The following NEBL variants were observed in gnomAD, a reference collection of about 807,000 sequenced individuals.
The protein encoded by NEBL is LIM and SH3 protein 2.
A neutral mutation model predicts 140.2 loss-of-function variants in NEBL; 122 were observed. The ratio of observed to expected loss-of-function variants is 0.87; its 90% CI spans 0.75 to 1.01. The LOEUF (loss-of-function observed/expected upper bound fraction) is 1.01, where lower values mean the gene tolerates loss of function less well. Ranked by LOEUF, NEBL falls within the 50% of genes least tolerant of loss-of-function variation. The probability of loss-of-function intolerance (pLI) is 0.00; values close to 1 mark genes in which losing one functional copy is unlikely to be tolerated. For missense variants in NEBL, 1,365 were observed against 1,231.3 expected (o/e 1.11, Z -1.62); for synonymous variants, 436 against 398.9 (o/e 1.09, Z -1.11).
At chr10:21,120,422 A>ATATATATATATATATATATT (rs1191813457) in intron 2 of NEBL, among the ~76,000 whole-genome samples, 89 of 87,036 alleles carry the variant, frequency 1.0e-3, no homozygotes, top group East Asian at 6.1e-3. Flanking sequence ...ATATATATAT[A>ATATATATATATATATATATT]TAAATTTGAT....
At chr10:20,793,263 C>T (rs1836175153) in intron 26 of NEBL, 1 of 767,758 alleles carries the variant, frequency 1.3e-6, no homozygotes, top group South Asian at 5.9e-5. Flanking sequence ...AAAGACATGC[C>T]TAATCATCGT....
intron 3 of NEBL, among the ~76,000 whole-genome samples, chr10:21,182,780 T>A (rs1376837919): frequency 6.6e-6 from 1 of 152,228 alleles, no homozygotes; most frequent in African/African-American, 2.4e-5. Context: ...GTGATGATAT[T>A]TTAGCAATAT....
chr10:21,025,994 T>C (rs181284412), intron 2 of NEBL, among the ~76,000 whole-genome samples: 3 of 152,322 alleles, frequency 2.0e-5, no homozygotes, highest in African/African-American at 7.2e-5. Flanking sequence ...TAATTTAACC[T>C]CTGTGTCTCA....
chr10:21,126,067 A>T (rs201996343), intron 2 of NEBL: 4 of 1,614,016 alleles, frequency 2.5e-6, no homozygotes, highest in Non-Finnish European at 2.5e-6. Flanking sequence ...GGTCTCCCCA[A>T]CCAGCTTCCT....
intron 2 of NEBL, among the ~76,000 whole-genome samples, chr10:21,147,956 T>C (rs1032822033): frequency 6.6e-6 from 1 of 152,236 alleles, no homozygotes; most frequent in African/African-American, 2.4e-5. Context: ...GCAGTGATGA[T>C]ACAATAATGT....
Position 21,093,584 on chromosome 10 carries a change from T to C in NEBL, c.165-73383A>G, listed in dbSNP as rs74755162. Among the ~76,000 whole-genome samples the C allele has an allele frequency of 1.8e-3, 271 of 152,278 alleles. 12 individuals are homozygous for C. The East Asian group carries it at 0.047, about 26-fold the overall frequency. ...ACAAGCTGAAACAGGAGAAAGAATA[T>C]GCAACCAGATGGGGGTCACAGCATT... On this transcript the variant is annotated intron_variant, in intron 2 of 6. Coordinates refer to the NEBL transcript ENST00000417816.
At chr10:21,166,165 A>T (rs1840752884) in intron 2 of NEBL, among the ~76,000 whole-genome samples, 1 of 139,036 alleles carries the variant, frequency 7.2e-6, no homozygotes, top group Non-Finnish European at 1.5e-5. Context: ...GCTTGCAGTG[A>T]GCCGAGATCA....
At chr10:20,943,682 C>T (rs1301876715) in intron 4 of NEBL, among the ~76,000 whole-genome samples, 2 of 152,202 alleles carry the variant, frequency 1.3e-5, no homozygotes, top group Non-Finnish European at 2.9e-5. Flanking sequence ...ACATGTCCTG[C>T]TACAATGCAA....
chr10:21,003,090 G>C (rs990639157), intron 3 of NEBL, among the ~76,000 whole-genome samples: 2 of 144,752 alleles, frequency 1.4e-5, no homozygotes, highest in African/African-American at 2.6e-5. Flanking sequence ...TGTTTTCACA[G>C]CCACCTTGAT....
chr10:21,230,221 G>C (rs1342121792), intron 3 of NEBL, among the ~76,000 whole-genome samples: 1 of 152,164 alleles, frequency 6.6e-6, no homozygotes, highest in African/African-American at 2.4e-5. Flanking sequence ...GGGCTTGGGA[G>C]TGAGTCAAGC....
intron 4 of NEBL, among the ~76,000 whole-genome samples, chr10:20,910,750 G>A (rs767711296): frequency 6.6e-6 from 1 of 151,798 alleles, no homozygotes; most frequent in Non-Finnish European, 1.5e-5. Flanking sequence ...AGGGTACAAG[G>A]AATTCAAAGA....
At chr10:21,051,698 A>T (rs569645692) in intron 2 of NEBL, among the ~76,000 whole-genome samples, 1 of 147,668 alleles carries the variant, frequency 6.8e-6, no homozygotes, top group Non-Finnish European at 1.5e-5. Flanking sequence ...TAAATTCCCC[A>T]GTGAAAAGAC....
intron 3 of NEBL, among the ~76,000 whole-genome samples, chr10:21,210,721 G>A (rs1213758617): frequency 6.6e-6 from 1 of 152,146 alleles, no homozygotes; most frequent in African/African-American, 2.4e-5. Context: ...CTAAAGTGCT[G>A]CATTTTTAAG....
In NEBL at chr10:21,173,937, C is replaced by T; in HGVS notation, c.-104G>A. ...CACCGCCTCCTGGCAGGCGGGAGGG[C>T]TGCGGGCGGCGGGCGCCGGGTAGGG... is the stretch of plus-strand genomic sequence containing the variant. On this transcript the variant is annotated 5_prime_UTR_variant, in exon 1 of 7. Transcript: ENST00000417816. This position sits in a 1 kb window ranked among gnomAD's most constrained non-coding sequence, Gnocchi z 5.7. The T allele has an allele frequency of 7.1e-7, 1 of 1,401,442 alleles. No individual in the cohort carries two copies. The highest frequency in any genetic ancestry group is 9.2e-7 in the Non-Finnish European group (1 of 1,089,636). The allele number at this position is 1,401,442 out of a possible 1,614,324, so 86.8% of individuals were successfully genotyped here.
At chr10:20,961,172 T>C (rs945718008) in intron 4 of NEBL, among the ~76,000 whole-genome samples, 1 of 152,162 alleles carries the variant, frequency 6.6e-6, no homozygotes, top group Admixed American at 6.6e-5. Flanking sequence ...TTGAGGAAAC[T>C]ATATTAATAA....
In NEBL at chr10:20,930,645, C is replaced by T. The variant is rs149940445; in HGVS notation, c.357+31027G>A. On this transcript the variant is annotated intron_variant, in intron 4 of 6. Coordinates refer to the NEBL transcript ENST00000417816. ...TCTCCACTGATGACACACCATCCTCCTTTTCACTGCAGAACTTTCCCACTT... is the reference window on the plus strand; with the variant it reads ...TCTCCACTGATGACACACCATCCTCTTTTTCACTGCAGAACTTTCCCACTT... 3.9e-5 allele frequency among the ~76,000 whole-genome samples: 6 copies of T among 152,290 alleles called. No individual in the cohort carries two copies. The East Asian group carries it at 1.2e-3, about 29-fold the overall frequency.
rs146781992 is a variant in NEBL at position 20,882,973 on chromosome 10, A to G, written c.370-2069T>C. ...GCCTATTTCATGAGACAGAACTTCC[A>G]ATGTGGGAAGACACCCGTCACTGAC... On this transcript the variant is annotated intron_variant, in intron 4 of 27. Coordinates refer to ENST00000377122, the MANE Select transcript of NEBL (RefSeq NM_006393.3). 4.1e-3 allele frequency among the ~76,000 whole-genome samples: 629 copies of G among 152,280 alleles called. 5 individuals are homozygous for G. The highest frequency in any genetic ancestry group is 0.015 in the African/African-American group (613 of 41,566).
chr10:21,189,860 T>G (rs1841545035), intron 3 of NEBL, among the ~76,000 whole-genome samples: 1 of 152,204 alleles, frequency 6.6e-6, no homozygotes, highest in South Asian at 2.1e-4. Context: ...TTTTCTAAAG[T>G]GTCCATTTTT....
chr10:21,106,029 GGTT>G (rs531624139), intron 2 of NEBL, among the ~76,000 whole-genome samples: 87 of 152,000 alleles, frequency 5.7e-4, no homozygotes, highest in African/African-American at 2.0e-3. Context: ...TTTTTGATGG[GGTT>G]GTTTGTTTTT....
Sources: gnomAD v4.1 joint callset for allele counts (sites outside exome capture counted in the v4.1 genomes callset) on GRCh38, gnomAD v4.1.1 for gene constraint, Gnocchi (gnomAD v3.1) non-coding constraint, MANE v1.5 for transcripts, NCBI Gene and HGNC (gene_info 2026-07-23, HGNC 2026-07-21) for gene names.